Variants in EEIG2 observed in about 807,000 individuals in gnomAD.
EEIG2 encodes the protein EEIG family member 2, also known as family with sequence similarity 102 member B.
chr1:108,586,821 GAA>G, the EEIG2 span, among the ~76,000 whole-genome samples: 21 of 152,154 alleles, frequency 1.4e-4, no homozygotes, highest in Non-Finnish European at 2.8e-4. Context: ...TGTAATTGAA[GAA>G]ACTGTTTACA....
At chr1:108,623,351 C>G in the EEIG2 span, among the ~76,000 whole-genome samples, 5 of 152,082 alleles carry the variant, frequency 3.3e-5, no homozygotes, top group Non-Finnish European at 7.4e-5. Context: ...AAAAAAAAGC[C>G]AGGCATGGTT....
At chr1:108,599,079 C>A in the EEIG2 span, among the ~76,000 whole-genome samples, 2 of 151,940 alleles carry the variant, frequency 1.3e-5, no homozygotes, top group African/African-American at 4.8e-5. Flanking sequence ...GTGGGAAGAT[C>A]TCTTTGGCCT....
the EEIG2 span, among the ~76,000 whole-genome samples, chr1:108,562,065 AATATATTATCTTAT>A: frequency 1.3e-5 from 2 of 152,196 alleles, no homozygotes; most frequent in Non-Finnish European, 2.9e-5. Context: ...TTGGCTTCTA[AATATATTATCTTAT>A]TTAATTCTCA....
At chr1:108,610,448 A>G in the EEIG2 span, among the ~76,000 whole-genome samples, 4 of 152,208 alleles carry the variant, frequency 2.6e-5, no homozygotes, top group Non-Finnish European at 2.9e-5. Context: ...ATAGGAAGTA[A>G]GGTCATCAGC....
chr1:108,566,406 T>A, the EEIG2 span, among the ~76,000 whole-genome samples: 1 of 152,184 alleles, frequency 6.6e-6, no homozygotes, highest in Non-Finnish European at 1.5e-5. Flanking sequence ...TTAAATTGAT[T>A]TTTTAAGATT....
the EEIG2 span, among the ~76,000 whole-genome samples, chr1:108,632,451 G>A: frequency 1.3e-5 from 2 of 152,092 alleles, no homozygotes; most frequent in Non-Finnish European, 2.9e-5. Flanking sequence ...CTATCAGATT[G>A]GCATTTTAGA....
At chr1:108,616,270 T>C in the EEIG2 span, 1 of 755,110 alleles carries the variant, frequency 1.3e-6, no homozygotes, top group Non-Finnish European at 2.3e-6. Flanking sequence ...TATAACCCAA[T>C]TCAACAATCA....
chr1:108,581,989 A>T, the EEIG2 span, among the ~76,000 whole-genome samples: 10 of 152,162 alleles, frequency 6.6e-5, no homozygotes, highest in Middle Eastern at 3.2e-3. Flanking sequence ...TTATTTTAAG[A>T]AATTGCCACA....
the EEIG2 span, among the ~76,000 whole-genome samples, chr1:108,608,538 G>T: frequency 6.6e-6 from 1 of 152,158 alleles, no homozygotes. Context: ...AAATCATAAG[G>T]AAACATAGAC....
the EEIG2 span, among the ~76,000 whole-genome samples, chr1:108,564,551 T>C: frequency 1.3e-5 from 2 of 152,226 alleles, 1 homozygote; most frequent in East Asian, 3.8e-4. Flanking sequence ...TTATGCGGTA[T>C]GTGGATTTCT....
the EEIG2 span, among the ~76,000 whole-genome samples, chr1:108,610,659 G>A: frequency 2.1e-4 from 32 of 152,138 alleles, no homozygotes; most frequent in African/African-American, 7.2e-4. Context: ...AGCTGGGCGC[G>A]GTGGCTCACA....
At chr1:108,596,316 T>A in the EEIG2 span, among the ~76,000 whole-genome samples, 6 of 152,066 alleles carry the variant, frequency 3.9e-5, no homozygotes, top group African/African-American at 1.4e-4. Flanking sequence ...TAATTTAGAG[T>A]CTAAGTTCCA....
At chr1:108,630,304 T>G in the EEIG2 span, among the ~76,000 whole-genome samples, 1 of 152,202 alleles carries the variant, frequency 6.6e-6, no homozygotes, top group Non-Finnish European at 1.5e-5. Flanking sequence ...AAACCATCAT[T>G]CTCAGCAAAC....
At chr1:108,628,907 A>G in the EEIG2 span, 2 of 961,208 alleles carry the variant, frequency 2.1e-6, no homozygotes, top group Non-Finnish European at 1.5e-6. Flanking sequence ...TGACTGTTGC[A>G]TATTTGTATA....
chr1:108,617,430 A>G, the EEIG2 span, among the ~76,000 whole-genome samples: 3 of 152,304 alleles, frequency 2.0e-5, no homozygotes, highest in East Asian at 5.8e-4. Flanking sequence ...TGAGATGAGA[A>G]AGACAAGAGG....
chr1:108,615,799 A>AT, the EEIG2 span, among the ~76,000 whole-genome samples: 2 of 152,026 alleles, frequency 1.3e-5, no homozygotes, highest in South Asian at 4.2e-4. Context: ...AAAAAAAAAA[A>AT]AAAAAGTTTT....
chr1:108,612,183 C>T, the EEIG2 span: 2 of 1,609,072 alleles, frequency 1.2e-6, no homozygotes, highest in South Asian at 1.1e-5. Flanking sequence ...CATAGCTGGG[C>T]TTTGCAGATC....
chr1:108,562,576 C>A, the EEIG2 span, among the ~76,000 whole-genome samples: 1 of 152,138 alleles, frequency 6.6e-6, no homozygotes, highest in Non-Finnish European at 1.5e-5. Flanking sequence ...AAGCCTAAAC[C>A]CCAGTTCCAC....
chr1:108,563,291 T>C, the EEIG2 span, among the ~76,000 whole-genome samples: 5 of 152,206 alleles, frequency 3.3e-5, no homozygotes, highest in Non-Finnish European at 5.9e-5. Context: ...CCAGCCCTAA[T>C]ACAAATTTTG....
Sources: allele counts gnomAD v4.1 joint callset (sites outside exome capture counted in the v4.1 genomes callset), GRCh38; gene constraint gnomAD v4.1.1; transcripts MANE v1.5; gene names NCBI Gene and HGNC (gene_info 2026-07-23, HGNC 2026-07-21).